INTS4: variants seen among roughly 807,000 people sequenced by gnomAD.
The protein encoded by INTS4 is MSTP093.
Under a neutral mutation model 119.5 loss-of-function variants are expected in INTS4, and 70 were observed. The observed-to-expected ratio is 0.59, with a 90% CI of 0.48 to 0.71. INTS4 has a LOEUF of 0.71. Among genes scored for constraint, INTS4 ranks in the 30% least tolerant of loss-of-function variants. The pLI, the probability that INTS4 is intolerant of heterozygous loss-of-function variation, is 0.00. For synonymous variants in INTS4, 316 were observed against 419.6 expected, an observed-to-expected ratio of 0.75 and a Z score of 3.02; for missense variants, 867 against 1,173.2, an observed-to-expected ratio of 0.74 and a Z score of 3.81.
intron 21 of INTS4, among the ~76,000 whole-genome samples, chr11:77,885,661 A>T (rs1177902620): frequency 6.6e-6 from 1 of 151,960 alleles, no homozygotes; most frequent in Non-Finnish European, 1.5e-5. Flanking sequence ...TCTACTAAAA[A>T]TACAAAAATT....
chr11:77,980,624 C>T (rs1438999455), intron 3 of INTS4, among the ~76,000 whole-genome samples: 1 of 152,154 alleles, frequency 6.6e-6, no homozygotes, highest in Non-Finnish European at 1.5e-5. Flanking sequence ...AGGGATCCTC[C>T]CACCTCGACC....
At chr11:77,908,073 A>T (rs1953004133) in intron 15 of INTS4, among the ~76,000 whole-genome samples, 1 of 2,356 alleles carries the variant, frequency 4.2e-4, no homozygotes, top group African/African-American at 2.0e-3. Context: ...TCATAGCTTT[A>T]CACTGAAAAG....
Position 77,891,405 on chromosome 11 carries a change from G to A in INTS4, c.2506C>T (p.Arg836Trp), listed in dbSNP as rs781385631. 11 of 1,613,078 alleles carry A rather than the reference G, an allele frequency of 6.8e-6. No individual in the cohort carries two copies. Among genetic ancestry groups the A allele is most frequent in the East Asian group, 6.7e-5 (3 of 44,872 alleles). Residue 836 changes from arginine to tryptophan, a missense_variant, in exon 21 of 23, where the codon CGG (arginine) becomes TGG (tryptophan). Around this residue, in one of 5 missense-constraint regions of INTS4, gnomAD observed 262 missense variants for 376.0 expected, o/e 0.70. Coordinates refer to ENST00000534064, the MANE Select transcript of INTS4 (RefSeq NM_033547.4). Reference protein sequence around the residue: ...EPAGESDNPLRFTSGLVVALD... With the variant: ...EPAGESDNPLWFTSGLVVALD... Reference sequence around the variant, plus strand: ...GCAACCACCAACCCAGAGGTAAACCGCAAAGGGTTGTCTGACTCGCCCGCT... The same window carrying A: ...GCAACCACCAACCCAGAGGTAAACCACAAAGGGTTGTCTGACTCGCCCGCT...
chr11:77,878,951 A>G lies in INTS4; in HGVS notation c.2890T>C (p.Ter964GlnextTer15), dbSNP rs776901103. The G allele has an allele frequency of 6.2e-7, 1 of 1,613,608 alleles. No homozygotes were observed. The highest frequency in any genetic ancestry group is 1.1e-5 in the South Asian group (1 of 91,064). Residue 964 changes from the stop codon to glutamine, a stop_lost, in exon 23 of 23, where the codon TAA (stop) becomes CAA (glutamine). Coordinates refer to ENST00000534064, the MANE Select transcript of INTS4 (RefSeq NM_033547.4). Reference protein sequence around the residue: ...VYIMPKPARR* With the variant: ...VYIMPKPARRQ ...CGGTTGGGAAGACTGTTTTTGCCTT[A>G]GCGCCGTGCAGGTTTGGGCATTATA...
intron 4 of INTS4, among the ~76,000 whole-genome samples, chr11:77,962,617 C>T (rs1855284690): frequency 6.6e-6 from 1 of 151,832 alleles, no homozygotes; most frequent in Non-Finnish European, 1.5e-5. Context: ...CATAATATTG[C>T]AAGACAGTAC....
chr11:77,978,915 C>G (rs1399791508), intron 4 of INTS4, 81 bp downstream of exon 4: 8 of 775,770 alleles, frequency 1.0e-5, no homozygotes, highest in Non-Finnish European at 1.5e-5. Context: ...AAAAATAAGG[C>G]AGCTCCTAAA....
intron 21 of INTS4, among the ~76,000 whole-genome samples, chr11:77,890,428 G>A (rs1952212361): frequency 1.3e-5 from 2 of 151,744 alleles, no homozygotes; most frequent in South Asian, 4.2e-4. Context: ...TATCCCTTTG[G>A]CCCTTCTCTC....
At chr11:77,957,165 T>C (rs916789081) in intron 7 of INTS4, among the ~76,000 whole-genome samples, 12 of 152,200 alleles carry the variant, frequency 7.9e-5, no homozygotes, top group East Asian at 3.9e-4. Flanking sequence ...ACTCCTGAGA[T>C]CAAGCAATCC....
In INTS4 at chr11:77,978,932, A is replaced by C. The variant is rs558708178; in HGVS notation, c.471+64T>G. ...AAATAAGGCAGCTCCTAAAACCATT[A>C]ATGGTCCTTAGCAGTCCTCAGTTAC... On this transcript the variant is annotated intron_variant, in intron 4 of 22. Coordinates refer to ENST00000534064, the MANE Select transcript of INTS4 (RefSeq NM_033547.4). 43 of 990,482 alleles carry C rather than the reference A, an allele frequency of 4.3e-5. No individual in the cohort carries two copies. In the African/African-American group the frequency reaches 6.6e-4, roughly 15 times the overall value. The allele number at this position is 990,482 out of a possible 1,614,324, so 61.4% of individuals were successfully genotyped here.
rs1219732959 is a variant in INTS4 at position 77,981,716 on chromosome 11, A to G, written c.247-140T>C. The G allele has an allele frequency of 4.3e-5, 17 of 393,234 alleles. No homozygotes were observed. The East Asian group carries it at 6.6e-4, about 15-fold the overall frequency. 24.4% of individuals were successfully genotyped at this position (393,234 alleles called of 1,614,324 possible). A position where few individuals can be genotyped will look rare whatever the true frequency, so the allele number is the denominator to read the frequency against. On this transcript the variant is annotated intron_variant, in intron 2 of 22. Transcript: ENST00000534064. ...ATCATTTCTGAAAAATTAATTTTAT[A>G]TACTTCTGGAGAGACAGCTTTCTTT... is the stretch of plus-strand genomic sequence containing the variant.
chr11:77,902,258 G>A (rs1952801262), intron 17 of INTS4, among the ~76,000 whole-genome samples: 1 of 152,026 alleles, frequency 6.6e-6, no homozygotes, highest in Non-Finnish European at 1.5e-5. Flanking sequence ...CCAATATCAT[G>A]AAGTTTCAAG....
rs747382458 is a variant in INTS4 at position 77,924,874 on chromosome 11, G to A, written c.1390C>T (p.Arg464Ter). ...CATAAGAGTTCATGAAGAGCCTCTCGAATATCTCTGGATGAATCCTTTTAA... is the reference window on the plus strand; with the variant it reads ...CATAAGAGTTCATGAAGAGCCTCTCAAATATCTCTGGATGAATCCTTTTAA... ...AVLEDSSRDI[R>*]EALHELLCCT... is the part of the protein sequence containing the mutation. The change falls in exon 12 of 23, where the codon CGA (arginine) becomes TGA (stop). Residue 464 changes from arginine (R) to a stop codon, truncating the protein, a stop_gained. Coordinates refer to ENST00000534064, the MANE Select transcript of INTS4 (RefSeq NM_033547.4). LOFTEE classifies it high-confidence loss of function. 23 of 1,598,636 alleles carry A rather than the reference G, an allele frequency of 1.4e-5. No individual in the cohort carries two copies. Among genetic ancestry groups the A allele is most frequent in the African/African-American group, 2.7e-5 (2 of 74,466 alleles).
In INTS4 at chr11:77,993,075, T is replaced by C. The variant is rs1023311520; in HGVS notation, c.54+1515A>G. Reference sequence around the variant, plus strand: ...AGCTAGGAATTTTTTCCCTAAGTATTATATAAGGGAGAGGACAAGCAATAT... The same window carrying C: ...AGCTAGGAATTTTTTCCCTAAGTATCATATAAGGGAGAGGACAAGCAATAT... On this transcript the variant is annotated intron_variant, in intron 1 of 22. Coordinates refer to ENST00000534064, the MANE Select transcript of INTS4 (RefSeq NM_033547.4). Among the ~76,000 whole-genome samples, 78 of 152,120 alleles carry C rather than the reference T, an allele frequency of 5.1e-4. 1 individual carries two copies. Among genetic ancestry groups the C allele is most frequent in the Non-Finnish European group, 1.0e-4 (7 of 68,018 alleles).
At chr11:77,942,224 T>G (rs1953944510) in intron 8 of INTS4, among the ~76,000 whole-genome samples, 2 of 152,158 alleles carry the variant, frequency 1.3e-5, no homozygotes, top group Admixed American at 6.5e-5. Context: ...CAATATGGTA[T>G]GAAATGCTGT....
At chr11:77,957,222 T>G (rs1216051813) in intron 7 of INTS4, among the ~76,000 whole-genome samples, 3 of 152,122 alleles carry the variant, frequency 2.0e-5, no homozygotes, top group East Asian at 3.9e-4. Context: ...GCTGAGTCAC[T>G]GCAACCAGGT....
At chr11:77,977,330 C>A (rs1375023865) in intron 4 of INTS4, among the ~76,000 whole-genome samples, 1 of 151,916 alleles carries the variant, frequency 6.6e-6, no homozygotes, top group Non-Finnish European at 1.5e-5. Context: ...CAATATCACA[C>A]AGCTATTACA....
intron 12 of INTS4, 121 bp downstream of exon 12, chr11:77,924,629 T>C: frequency 1.2e-6 from 1 of 847,376 alleles, no homozygotes; most frequent in Admixed American, 2.6e-5. Context: ...ATCAGGTTTC[T>C]AAAGTAAAGG....
intron 5 of INTS4, among the ~76,000 whole-genome samples, chr11:77,960,604 T>C (rs981646827): frequency 2.6e-5 from 4 of 152,006 alleles, no homozygotes; most frequent in African/African-American, 9.7e-5. Flanking sequence ...CCCAAGAAGG[T>C]ATTAGAAAAA....
chr11:77,936,926 G>A (rs1953807928), intron 10 of INTS4, among the ~76,000 whole-genome samples: 2 of 152,134 alleles, frequency 1.3e-5, no homozygotes, highest in African/African-American at 4.8e-5. Context: ...TGTAATCCCA[G>A]CACTTTGGGA....
Sources: allele counts gnomAD v4.1 joint callset (sites outside exome capture counted in the v4.1 genomes callset), GRCh38; gene constraint gnomAD v4.1.1; regional missense constraint gnomAD v4.1.1; transcripts MANE v1.5; gene names NCBI Gene and HGNC (gene_info 2026-07-23, HGNC 2026-07-21).